Variants in TDRD5 observed in about 807,000 individuals in gnomAD.
TDRD5 encodes the protein tudor domain-containing protein 5.
In TDRD5, 41 loss-of-function variants were observed where a neutral mutation model predicts 120.6. The ratio of observed to expected loss-of-function variants is 0.34; its 90% CI spans 0.26 to 0.44. The LOEUF (loss-of-function observed/expected upper bound fraction) is 0.44. Among genes scored for constraint, TDRD5 ranks in the 20% least tolerant of loss-of-function variants. The pLI is 1.00. For synonymous variants in TDRD5, 430 were observed against 433.7 expected (o/e 0.99, Z 0.11); for missense variants, 1,006 against 1,221.2 (o/e 0.82, Z 2.63).
chr1:179,633,736 T>G (rs187332519), intron 7 of TDRD5, among the ~76,000 whole-genome samples: 3 of 152,282 alleles, frequency 2.0e-5, no homozygotes, highest in Admixed American at 2.0e-4. Flanking sequence ...GAAAATTTCC[T>G]AAGAATTAAG....
intron 14 of TDRD5, among the ~76,000 whole-genome samples, chr1:179,661,320 A>G (rs1679302526): frequency 6.6e-6 from 1 of 150,650 alleles, no homozygotes; most frequent in Non-Finnish European, 1.5e-5. Context: ...CACAAATGTT[A>G]TATCTTTTGG....
At chr1:179,674,822 G>A (rs1254559940) in intron 17 of TDRD5, among the ~76,000 whole-genome samples, 2 of 152,012 alleles carry the variant, frequency 1.3e-5, no homozygotes, top group Non-Finnish European at 2.9e-5. Flanking sequence ...TCTAGTTTAC[G>A]TTTGTAAAGG....
At chr1:179,615,776 CTTT>C (rs11318606) in intron 4 of TDRD5, among the ~76,000 whole-genome samples, 9 of 147,084 alleles carry the variant, frequency 6.1e-5, no homozygotes, top group Admixed American at 2.0e-4. Flanking sequence ...TTGAGGTAAA[CTTT>C]TTTTTTTTTT....
In TDRD5 at chr1:179,683,695, G is replaced by C. The variant is rs529824932; in HGVS notation, c.2861-7001G>C. 2.6e-5 allele frequency among the ~76,000 whole-genome samples: 4 copies of C among 152,270 alleles called. No individual in the cohort carries two copies. In the East Asian group the frequency reaches 7.7e-4, roughly 29 times the overall value. Reference sequence around the variant, plus strand: ...CTAGAACAGTGCTATTCAAAATGTGGTCTACATACTGGTGCCAATTTGAAG... The same window carrying C: ...CTAGAACAGTGCTATTCAAAATGTGCTCTACATACTGGTGCCAATTTGAAG... On this transcript the variant is annotated intron_variant, in intron 17 of 17. Transcript: ENST00000444136.
intron 17 of TDRD5, 115 bp downstream of exon 17, chr1:179,669,519 G>A (rs149235011): frequency 2.3e-5 from 26 of 1,118,994 alleles, no homozygotes; most frequent in East Asian, 1.8e-4. Context: ...CATTACTGAC[G>A]TTAGCATTTG....
At chr1:179,620,649 T>C (rs1380943479) in intron 5 of TDRD5, among the ~76,000 whole-genome samples, 2 of 152,272 alleles carry the variant, frequency 1.3e-5, no homozygotes, top group Non-Finnish European at 1.5e-5. Flanking sequence ...CTTAACTGTA[T>C]TTTCCAAAGT....
At chr1:179,662,873 T>A (rs1679386595) in intron 15 of TDRD5, among the ~76,000 whole-genome samples, 1 of 152,190 alleles carries the variant, frequency 6.6e-6, no homozygotes, top group Non-Finnish European at 1.5e-5. Context: ...TTAGGATCTA[T>A]AAATAAATGA....
At chr1:179,624,726 T>A (rs1677026639) in intron 6 of TDRD5, among the ~76,000 whole-genome samples, 1 of 152,160 alleles carries the variant, frequency 6.6e-6, no homozygotes, top group South Asian at 2.1e-4. Flanking sequence ...TAAACATTGT[T>A]GAGAAGTTGA....
intron 17 of TDRD5, among the ~76,000 whole-genome samples, chr1:179,679,927 C>T (rs773816732): frequency 3.3e-5 from 5 of 152,010 alleles, no homozygotes; most frequent in Admixed American, 6.6e-5. Flanking sequence ...ATTCATTTTA[C>T]AGTTTTTCCT....
At chr1:179,593,892 G>A (rs1675249289) in intron 3 of TDRD5, 25 bp downstream of exon 3, 1 of 1,600,364 alleles carries the variant, frequency 6.2e-7, no homozygotes, top group East Asian at 2.2e-5. Flanking sequence ...AAATGTTGGA[G>A]CAGTCATGGC....
intron 4 of TDRD5, among the ~76,000 whole-genome samples, chr1:179,597,076 C>T (rs1254320802): frequency 1.3e-5 from 2 of 152,084 alleles, no homozygotes; most frequent in Non-Finnish European, 2.9e-5. Flanking sequence ...TTTTCACATG[C>T]GTGTTTGCCA....
chr1:179,679,248 A>T (rs1170642602), intron 17 of TDRD5, among the ~76,000 whole-genome samples: 2 of 152,164 alleles, frequency 1.3e-5, no homozygotes, highest in African/African-American at 4.8e-5. Flanking sequence ...ATTTTATAGA[A>T]TGTTAGACTC....
At chr1:179,688,656 A>G (rs1334865828) in intron 17 of TDRD5, among the ~76,000 whole-genome samples, 3 of 152,018 alleles carry the variant, frequency 2.0e-5, no homozygotes, top group Non-Finnish European at 4.4e-5. Flanking sequence ...ACTTGGTTCC[A>G]TTCTCCCCAT....
At chr1:179,641,799 G>C (rs1022180074) in intron 11 of TDRD5, among the ~76,000 whole-genome samples, 14 of 152,114 alleles carry the variant, frequency 9.2e-5, no homozygotes, top group Non-Finnish European at 1.8e-4. Context: ...AATCTGTTAG[G>C]TAAATGTGCA....
At chr1:179,623,319 A>G (rs1452248258) in intron 6 of TDRD5, among the ~76,000 whole-genome samples, 1 of 152,212 alleles carries the variant, frequency 6.6e-6, no homozygotes, top group Non-Finnish European at 1.5e-5. Flanking sequence ...GGCATATGTG[A>G]AAGACTGCCT....
intron 12 of TDRD5, among the ~76,000 whole-genome samples, chr1:179,651,306 A>G (rs1678700204): frequency 6.6e-6 from 1 of 152,204 alleles, no homozygotes; most frequent in South Asian, 2.1e-4. Flanking sequence ...TAATTTAAAA[A>G]GTAGTTATCT....
rs1401952018 is a variant in TDRD5, at chr1:179,645,082, T to TC, written c.1800+4637_1800+4638insC. Among the ~76,000 whole-genome samples, 20 of 123,120 alleles carry TC rather than the reference T, an allele frequency of 1.6e-4. 1 individual carries two copies. The highest frequency in any genetic ancestry group is 2.7e-4 in the South Asian group (1 of 3,644). 80.8% of individuals were successfully genotyped at this position (123,120 alleles called of 152,430 possible). A position where few individuals can be genotyped will look rare whatever the true frequency, so the allele number is the denominator to read the frequency against. On this transcript the variant is annotated intron_variant, in intron 11 of 17. Transcript: ENST00000444136. ...TCAGTTTATAAACATTTTTCTTTTT[T>TC]TTTTTTTTTTTTTTTTTTTTTGAGA...
rs761127977 is a variant in TDRD5 at position 179,635,726 on chromosome 1, A to C, written c.1359A>C (p.Pro453=). The C allele has an allele frequency of 7.6e-5, 123 of 1,613,984 alleles. No homozygotes were observed. Among genetic ancestry groups the C allele is most frequent in the Non-Finnish European group, 1.0e-4 (122 of 1,180,018 alleles). ...CAATGGCAAATCATGACATCCCGCC[A>C]GACGCTGTGCCGAACAAGAAATTAT... ...NLAMANHDIP[P]DAVPNKKLCR... The change falls in exon 9 of 18, where the codon CCA becomes CCC. Residue 453 remains proline, a synonymous_variant. Coordinates refer to ENST00000444136, the MANE Select transcript of TDRD5 (RefSeq NM_001199085.3).
chr1:179,661,356 T>C (rs796299825), intron 14 of TDRD5, among the ~76,000 whole-genome samples: 6 of 151,770 alleles, frequency 4.0e-5, no homozygotes, highest in African/African-American at 1.4e-4. Context: ...CCTGAGGCTC[T>C]GTTTTGAGTT....
Sources: allele counts gnomAD v4.1 joint callset (sites outside exome capture counted in the v4.1 genomes callset), GRCh38; gene constraint gnomAD v4.1.1; transcripts MANE v1.5; gene names NCBI Gene and HGNC (gene_info 2026-07-23, HGNC 2026-07-21).